The following MRTFA variants were observed in gnomAD, a reference collection of about 807,000 sequenced individuals.
MRTFA encodes the protein myocardin related transcription factor A, also known as myocardin-related transcription factor A.
Under a neutral mutation model 83.5 loss-of-function variants are expected in MRTFA, and 20 were observed. The observed-to-expected ratio is 0.24, with a 90% CI of 0.17 to 0.35. The LOEUF is 0.35. MRTFA is among the 10% of genes least tolerant of loss of function. The pLI is 1.00. For missense variants in MRTFA, 1,200 were observed against 1,224.7 expected (o/e 0.98, Z 0.30); for synonymous variants, 659 against 541.2 (o/e 1.22, Z -3.02).
chr22:40,577,298 C>T (rs1195289608), intron 2 of MRTFA, among the ~76,000 whole-genome samples: 3 of 139,602 alleles, frequency 2.1e-5, no homozygotes, highest in African/African-American at 5.3e-5. Flanking sequence ...CAGAAAACTA[C>T]AGCTCAGAAT....
At chr22:40,449,882 T>G (rs2053455353) in intron 4 of MRTFA, among the ~76,000 whole-genome samples, 1 of 152,180 alleles carries the variant, frequency 6.6e-6, no homozygotes, top group Non-Finnish European at 1.5e-5. Flanking sequence ...TGGGATGGAT[T>G]CCACACCCTG....
Position 40,629,539 on chromosome 22 carries a change from A to G in MRTFA, c.-84+6939T>C, listed in dbSNP as rs367855675. 1.3e-4 allele frequency among the ~76,000 whole-genome samples: 20 copies of G among 152,012 alleles called. No individual in the cohort carries two copies. In the East Asian group the frequency reaches 3.1e-3, roughly 24 times the overall value. On this transcript the variant is annotated intron_variant, in intron 1 of 14. Transcript: ENST00000355630. The stretch of plus-strand genomic sequence containing the variant: ...TACTTTGGGAGGCCGAGGCGGATGG[A>G]TCGCCTGAGGTCAGGAGTTCGAGAT...
intron 2 of MRTFA, among the ~76,000 whole-genome samples, chr22:40,588,686 G>T (rs937561183): frequency 6.6e-6 from 1 of 152,144 alleles, no homozygotes; most frequent in Non-Finnish European, 1.5e-5. Context: ...TACACATTAA[G>T]ATCATATAGT....
At chr22:40,630,927 T>C (rs941311684) in intron 1 of MRTFA, among the ~76,000 whole-genome samples, 2 of 152,210 alleles carry the variant, frequency 1.3e-5, no homozygotes, top group African/African-American at 2.4e-5. Flanking sequence ...ACACAGGTTC[T>C]CATTCTAGGT....
At chr22:40,476,581 C>T (rs1367628671) in intron 3 of MRTFA, among the ~76,000 whole-genome samples, 3 of 152,130 alleles carry the variant, frequency 2.0e-5, no homozygotes, top group African/African-American at 7.2e-5. Context: ...CTTGCCTCAG[C>T]TTCTTCAGTA....
At position 40,590,389 on chromosome 22, in the gene MRTFA, C is replaced by A. The variant is rs567736455; in HGVS notation, c.-22+4285G>T. Among the ~76,000 whole-genome samples, 3 of 152,078 alleles carry A rather than the reference C, an allele frequency of 2.0e-5. No individual in the cohort carries two copies. In the East Asian group the frequency reaches 5.8e-4, roughly 29 times the overall value. Reference sequence around the variant, plus strand: ...AAGCCTTTAAAAAGCTCCAGTGTAGCCGGGCGCGGTGGCTCATACCTGTAA... The same window carrying A: ...AAGCCTTTAAAAAGCTCCAGTGTAGACGGGCGCGGTGGCTCATACCTGTAA... On this transcript the variant is annotated intron_variant, in intron 2 of 14. Transcript: ENST00000355630.
At chr22:40,545,848 C>G in intron 3 of MRTFA, among the ~76,000 whole-genome samples, 1 of 151,992 alleles carries the variant, frequency 6.6e-6, no homozygotes. Flanking sequence ...ATTCTCCTGC[C>G]TCAGCCTCCC....
At chr22:40,615,161 T>C (rs2056434319) in intron 1 of MRTFA, among the ~76,000 whole-genome samples, 1 of 152,240 alleles carries the variant, frequency 6.6e-6, no homozygotes, top group East Asian at 1.9e-4. Flanking sequence ...TCAAATTAAT[T>C]TTTATGTATC....
At chr22:40,628,145 C>G (rs2056601873) in intron 1 of MRTFA, among the ~76,000 whole-genome samples, 1 of 152,186 alleles carries the variant, frequency 6.6e-6, no homozygotes, top group Non-Finnish European at 1.5e-5. Context: ...TTACTTCCCT[C>G]TTTACATTTC....
intron 1 of MRTFA, among the ~76,000 whole-genome samples, chr22:40,625,223 T>C (rs1382954850): frequency 6.6e-6 from 1 of 152,014 alleles, no homozygotes. Flanking sequence ...CTCATGCCTG[T>C]AATCCCAACA....
intron 3 of MRTFA, among the ~76,000 whole-genome samples, chr22:40,545,629 C>T (rs554241031): frequency 1.7e-3 from 254 of 151,332 alleles, no homozygotes; most frequent in African/African-American, 5.2e-3. Flanking sequence ...GACGGGGTTT[C>T]ACCATGTTGG....
intron 3 of MRTFA, among the ~76,000 whole-genome samples, chr22:40,477,135 G>C (rs2054010545): frequency 7.4e-6 from 1 of 135,492 alleles, no homozygotes; most frequent in Non-Finnish European, 1.5e-5. Context: ...GTCTAGGCCA[G>C]CCTGGCCAAC....
Position 40,411,301 on chromosome 22 carries a change from C to G in MRTFA, c.*89G>C. The stretch of plus-strand genomic sequence containing the variant: ...GGCTGTGATTGTCAAGACTCACAAC[C>G]ATGTGGAGAGGCCGAATCACGCAGG... On this transcript the variant is annotated 3_prime_UTR_variant, in exon 15 of 15. Coordinates refer to ENST00000355630, the MANE Select transcript of MRTFA (RefSeq NM_020831.6). 1 of 1,375,040 alleles carries G rather than the reference C, an allele frequency of 7.3e-7. No individual in the cohort carries two copies. The highest frequency in any genetic ancestry group is 9.9e-7 in the Non-Finnish European group (1 of 1,014,864). The allele number at this position is 1,375,040 out of a possible 1,614,324, so 85.2% of individuals were successfully genotyped here.
chr22:40,502,000 T>G (rs1444960670), intron 3 of MRTFA, among the ~76,000 whole-genome samples: 3 of 101,060 alleles, frequency 3.0e-5, no homozygotes, highest in Non-Finnish European at 6.2e-5. Context: ...CCCACCTCCC[T>G]CCCGGACGGG....
intron 1 of MRTFA, among the ~76,000 whole-genome samples, chr22:40,630,693 A>G (rs1047091598): frequency 6.6e-6 from 1 of 152,152 alleles, no homozygotes; most frequent in Non-Finnish European, 1.5e-5. Flanking sequence ...AGTTTCTTAT[A>G]ATTAACTTTC....
At chr22:40,470,349 C>T (rs2053888459) in intron 3 of MRTFA, among the ~76,000 whole-genome samples, 1 of 142,290 alleles carries the variant, frequency 7.0e-6, no homozygotes, top group South Asian at 2.3e-4. Context: ...AAAGAGCACA[C>T]CCTTAAACAG....
intron 3 of MRTFA, among the ~76,000 whole-genome samples, chr22:40,478,942 C>A (rs141882793): frequency 3.9e-5 from 6 of 152,056 alleles, no homozygotes; most frequent in Non-Finnish European, 8.8e-5. Context: ...TCCAACACCC[C>A]CTAACAGCAG....
intron 3 of MRTFA, among the ~76,000 whole-genome samples, chr22:40,498,251 T>G (rs949473404): frequency 1.6e-5 from 2 of 122,096 alleles, no homozygotes; most frequent in African/African-American, 6.2e-5. Flanking sequence ...GGTACACACT[T>G]CATATATATA....
rs2053027248 is a variant in MRTFA, at chr22:40,429,610, G to A, written c.597C>T (p.Ile199=). 1 of 1,614,006 alleles carries A rather than the reference G, an allele frequency of 6.2e-7. No homozygotes were observed. Among genetic ancestry groups the A allele is most frequent in the Admixed American group, 1.7e-5 (1 of 59,992 alleles). ...GGGTGGCTGGGTCCTCCTCACCAAT[G>A]ATGGCTTCCTTCAGGCTGGACTCAA... Residue 199 remains isoleucine (I), a synonymous_variant, in exon 7 of 15, where the codon ATC becomes ATT. Coordinates refer to ENST00000355630, the MANE Select transcript of MRTFA (RefSeq NM_020831.6).
Sources: gnomAD v4.1 joint callset for allele counts (sites outside exome capture counted in the v4.1 genomes callset) on GRCh38, gnomAD v4.1.1 for gene constraint, MANE v1.5 for transcripts, NCBI Gene and HGNC (gene_info 2026-07-23, HGNC 2026-07-21) for gene names.